Variants in DIAPH3 observed in about 807,000 individuals in gnomAD.
DIAPH3 encodes diaphanous related formin 3.
A neutral mutation model predicts 144.3 loss-of-function variants in DIAPH3; 117 were observed. That is an observed-to-expected ratio of 0.81 (90% CI 0.70 to 0.95). The LOEUF is 0.95. DIAPH3 is among the 40% of genes least tolerant of loss of function. The pLI is 0.00. For missense variants in DIAPH3, 1,421 were observed against 1,412.7 expected, an observed-to-expected ratio of 1.01 and a Z score of -0.09; for synonymous variants, 519 against 488.9, an observed-to-expected ratio of 1.06 and a Z score of -0.81.
At chr13:60,159,335 T>C (rs796942565) in intron 1 of DIAPH3, among the ~76,000 whole-genome samples, 13 of 152,244 alleles carry the variant, frequency 8.5e-5, no homozygotes, top group African/African-American at 3.1e-4. Context: ...ATTAAGAATG[T>C]GTATTCTAGG....
intron 25 of DIAPH3, among the ~76,000 whole-genome samples, chr13:59,802,750 C>T (rs1267505485): frequency 7.9e-6 from 1 of 126,696 alleles, no homozygotes; most frequent in African/African-American, 2.9e-5. Context: ...GGCGCAATCT[C>T]GGCTCACTGC....
At chr13:60,019,765 C>A (rs1322858184) in intron 5 of DIAPH3, among the ~76,000 whole-genome samples, 1 of 152,152 alleles carries the variant, frequency 6.6e-6, no homozygotes. Context: ...TGGTTTCTGA[C>A]ATGTTGTTGG....
chr13:59,757,321 T>TAA (rs2037330185), intron 27 of DIAPH3, among the ~76,000 whole-genome samples: 1 of 124,264 alleles, frequency 8.0e-6, no homozygotes, highest in African/African-American at 3.3e-5. Context: ...GTGCTATATA[T>TAA]AATGGTAAAA....
chr13:59,672,551 CATAAAT>C (rs1208502309), intron 27 of DIAPH3, among the ~76,000 whole-genome samples: 5 of 152,176 alleles, frequency 3.3e-5, no homozygotes, highest in African/African-American at 1.2e-4. Flanking sequence ...AAGAATCACT[CATAAAT>C]ATAATTTTAA....
At chr13:59,942,658 T>C (rs894655202) in intron 17 of DIAPH3, among the ~76,000 whole-genome samples, 7 of 152,204 alleles carry the variant, frequency 4.6e-5, no homozygotes, top group South Asian at 2.1e-4. Flanking sequence ...CAAAAGCTAC[T>C]GCTGGTAGCC....
At chr13:60,142,641 C>T (rs1345212326) in intron 1 of DIAPH3, among the ~76,000 whole-genome samples, 1 of 152,064 alleles carries the variant, frequency 6.6e-6, no homozygotes, top group East Asian at 1.9e-4. Context: ...CAGCCCAGCA[C>T]CAGCCATGGT....
intron 5 of DIAPH3, among the ~76,000 whole-genome samples, chr13:60,033,929 A>G (rs941727014): frequency 6.6e-6 from 1 of 152,178 alleles, no homozygotes; most frequent in Non-Finnish European, 1.5e-5. Context: ...TTCTATTGTC[A>G]ATGTGATGCC....
At chr13:59,866,630 A>G (rs974984038) in intron 21 of DIAPH3, among the ~76,000 whole-genome samples, 1 of 152,086 alleles carries the variant, frequency 6.6e-6, no homozygotes, top group Admixed American at 6.6e-5. Flanking sequence ...AATCTTATCA[A>G]TCAAATAGCA....
chr13:59,752,588 C>T lies in DIAPH3; in HGVS notation c.3319+21601G>A, dbSNP rs1456592106. On this transcript the variant is annotated intron_variant, in intron 27 of 27. Coordinates refer to ENST00000400324, the MANE Select transcript of DIAPH3 (RefSeq NM_001042517.2). ...TCGTCATGTTGTGCAGGGCTGGTCT[C>T]GAACTCCTGGGCTCAAGCATCCCCA... Among the ~76,000 whole-genome samples, 4 of 151,976 alleles carry T rather than the reference C, an allele frequency of 2.6e-5. No individual in the cohort carries two copies. In the East Asian group the frequency reaches 5.8e-4, roughly 22 times the overall value.
At chr13:59,916,274 T>A (rs1289804465) in intron 18 of DIAPH3, 25 bp from the exon 19 acceptor site, 2 of 1,564,012 alleles carry the variant, frequency 1.3e-6, no homozygotes, top group Admixed American at 3.3e-5. Flanking sequence ...GAGAGAAAGG[T>A]TTATAATGAA....
At chr13:59,685,002 T>G (rs1200304784) in intron 27 of DIAPH3, among the ~76,000 whole-genome samples, 1 of 152,132 alleles carries the variant, frequency 6.6e-6, no homozygotes, top group Non-Finnish European at 1.5e-5. Context: ...ATTACAGCTC[T>G]TTGTCATTAA....
At chr13:60,113,350 A>T (rs1296729135) in intron 2 of DIAPH3, among the ~76,000 whole-genome samples, 1 of 152,202 alleles carries the variant, frequency 6.6e-6, no homozygotes, top group Non-Finnish European at 1.5e-5. Context: ...TCAATTCAAA[A>T]GGACAATTAA....
chr13:59,882,269 T>C (rs1026152542), intron 20 of DIAPH3, among the ~76,000 whole-genome samples: 1 of 152,136 alleles, frequency 6.6e-6, no homozygotes, highest in Non-Finnish European at 1.5e-5. Context: ...TTTGTATTTT[T>C]AGTAGAGACA....
At chr13:60,024,056 T>C (rs1410089369) in intron 5 of DIAPH3, among the ~76,000 whole-genome samples, 1 of 151,566 alleles carries the variant, frequency 6.6e-6, no homozygotes, top group East Asian at 2.0e-4. Context: ...GGTTTCACCA[T>C]GTTGGCCAGG....
intron 27 of DIAPH3, among the ~76,000 whole-genome samples, chr13:59,735,663 C>A (rs1025930256): frequency 1.3e-5 from 2 of 152,000 alleles, no homozygotes; most frequent in Admixed American, 1.3e-4. Context: ...CTGCTCAAAC[C>A]CATGAGGTAG....
At chr13:60,035,047 C>T (rs2055112382) in intron 5 of DIAPH3, among the ~76,000 whole-genome samples, 1 of 151,548 alleles carries the variant, frequency 6.6e-6, no homozygotes, top group Non-Finnish European at 1.5e-5. Context: ...GATATATATA[C>T]CATATATATG....
chr13:59,970,307 A>G (rs999829246), intron 16 of DIAPH3, among the ~76,000 whole-genome samples: 3 of 152,192 alleles, frequency 2.0e-5, no homozygotes, highest in African/African-American at 7.2e-5. Flanking sequence ...CTTCTTCTCA[A>G]TTGCATTTCT....
chr13:60,029,905 C>T (rs1468272568), intron 5 of DIAPH3, among the ~76,000 whole-genome samples: 1 of 152,088 alleles, frequency 6.6e-6, no homozygotes, highest in East Asian at 1.9e-4. Flanking sequence ...AGCTTTATGG[C>T]CATGACCTTC....
intron 4 of DIAPH3, among the ~76,000 whole-genome samples, chr13:60,087,644 C>G (rs561424843): frequency 6.6e-6 from 1 of 152,052 alleles, no homozygotes; most frequent in African/African-American, 2.4e-5. Context: ...AGAATAAAAA[C>G]TTTATCCAAA....
Sources: allele counts gnomAD v4.1 joint callset (sites outside exome capture counted in the v4.1 genomes callset), GRCh38; gene constraint gnomAD v4.1.1; transcripts MANE v1.5; gene names NCBI Gene and HGNC (gene_info 2026-07-23, HGNC 2026-07-21).